Variants in MFSD11 observed in about 807,000 individuals in gnomAD.
MFSD11 encodes UNC93-like protein MFSD11.
In MFSD11, 36 loss-of-function variants were observed where a neutral mutation model predicts 53.5. The ratio of observed to expected loss-of-function variants is 0.67; its 90% confidence interval spans 0.52 to 0.89. MFSD11 has a LOEUF of 0.89. MFSD11 is among the 40% of genes least tolerant of loss of function. The probability of loss-of-function intolerance (pLI) is 0.00; values close to 1 mark genes in which losing one functional copy is unlikely to be tolerated. For synonymous variants in MFSD11, 186 were observed against 184.9 expected, an observed-to-expected ratio of 1.01 and a Z score of -0.05; for missense variants, 530 against 543.9, an observed-to-expected ratio of 0.97 and a Z score of 0.25.
At chr17:76,744,241 T>A in intron 6 of MFSD11, 81 bp from the exon 7 acceptor site, 1 of 1,374,170 alleles carries the variant, frequency 7.3e-7, no homozygotes, top group Non-Finnish European at 9.7e-7. Context: ...GTGTTGACAG[T>A]TGTAAGCAGC....
chr17:76,741,960 A>G lies in MFSD11; in HGVS notation c.261-9A>G. The G allele has an allele frequency of 6.2e-7, 1 of 1,614,146 alleles. No individual in the cohort carries two copies. The highest frequency in any genetic ancestry group is 8.5e-7 in the Non-Finnish European group (1 of 1,180,008). ...TTTGACTGTAATACCTTGACCTGTT[A>G]TATTTTAGCATGTACATTGCCGTTT... is the stretch of plus-strand genomic sequence containing the variant. On this transcript the variant is annotated splice_polypyrimidine_tract_variant and intron_variant, in intron 3 of 12. Transcript: ENST00000685175.
At chr17:76,739,764 A>G (rs911064360) in intron 2 of MFSD11, among the ~76,000 whole-genome samples, 11 of 152,052 alleles carry the variant, frequency 7.2e-5, no homozygotes, top group South Asian at 4.1e-4. Context: ...CTTTTTCCCT[A>G]TCCTAAGCCT....
the MFSD11 span, among the ~76,000 whole-genome samples, chr17:76,792,228 C>T: frequency 6.6e-6 from 1 of 150,436 alleles, no homozygotes; most frequent in Admixed American, 6.6e-5. Context: ...AAGCAATTCT[C>T]CTGCCTCAGC....
chr17:76,744,613 G>A, intron 7 of MFSD11, 147 bp downstream of exon 7: 1 of 729,214 alleles, frequency 1.4e-6, no homozygotes, highest in Non-Finnish European at 2.1e-6. Flanking sequence ...TAAAGGAGGA[G>A]CTGCGAGGGA....
the MFSD11 span, among the ~76,000 whole-genome samples, chr17:76,797,162 C>T: frequency 6.6e-6 from 1 of 151,932 alleles, no homozygotes; most frequent in African/African-American, 2.4e-5. Context: ...GAGCGAGACT[C>T]TTCCTCAATT....
intron 7 of MFSD11, among the ~76,000 whole-genome samples, chr17:76,748,368 T>C (rs73359073): frequency 1.3e-5 from 2 of 152,084 alleles, no homozygotes; most frequent in Non-Finnish European, 2.9e-5. Context: ...CAGAAAAAGA[T>C]TTGAAGAGGT....
upstream of MFSD11, chr17:76,737,299 G>C (rs184792585): frequency 4.1e-5 from 49 of 1,200,652 alleles, no homozygotes; most frequent in Middle Eastern, 2.9e-4. Flanking sequence ...AGCACGGACG[G>C]GCTCCGCAGG....
rs574309907 is a variant in MFSD11, at chr17:76,754,406, C to T, written c.682+319C>T. ...GGTAATTAAGAGCAGATTGTGGCTG[C>T]GCGCAGTGACTCGCGCCTGTAATCT... On this transcript the variant is annotated intron_variant, in intron 8 of 12. Coordinates refer to ENST00000685175, the MANE Select transcript of MFSD11 (RefSeq NM_001242532.5). 2.0e-4 allele frequency among the ~76,000 whole-genome samples: 31 copies of T among 152,114 alleles called. No individual in the cohort carries two copies. The South Asian group carries it at 4.4e-3, about 21-fold the overall frequency.
Position 76,769,758 on chromosome 17 carries a change from C to T in MFSD11, c.761C>T (p.Thr254Ile). Residue 254 changes from threonine (T) to isoleucine (I), a missense_variant, in exon 10 of 13, where the codon ACT becomes ATT. Transcript: ENST00000685175. Reference sequence around the variant, plus strand: ...TCTTTAACTAAAGGTCTGGAATTAACTTTCTTCTCTGGTGTATATGGAACC... The same window carrying T: ...TCTTTAACTAAAGGTCTGGAATTAATTTTCTTCTCTGGTGTATATGGAACC... ...ITTAYTGLEL[T>I]FFSGVYGTCI... 1 of 1,592,044 alleles carries T rather than the reference C, an allele frequency of 6.3e-7. No homozygotes were observed. The highest frequency in any genetic ancestry group is 8.5e-7 in the Non-Finnish European group (1 of 1,172,202).
the MFSD11 span, among the ~76,000 whole-genome samples, chr17:76,793,880 A>G: frequency 2.0e-5 from 3 of 151,398 alleles, no homozygotes; most frequent in Admixed American, 2.0e-4. Flanking sequence ...GTCAGAGTCA[A>G]AGTGATGCAT....
chr17:76,762,079 C>T (rs2080311486), intron 8 of MFSD11, among the ~76,000 whole-genome samples: 1 of 152,142 alleles, frequency 6.6e-6, no homozygotes, highest in South Asian at 2.1e-4. Context: ...AGTCACTTCT[C>T]ATTCCAGCCT....
intron 1 of MFSD11, 78 bp from the exon 2 acceptor site, chr17:76,738,860 G>A (rs1568035866): frequency 7.5e-6 from 8 of 1,068,126 alleles, no homozygotes; most frequent in Non-Finnish European, 1.0e-5. Context: ...CTCTTGCTGA[G>A]TACTTGGAGT....
At chr17:76,800,096 C>G in the MFSD11 span, among the ~76,000 whole-genome samples, 1 of 151,128 alleles carries the variant, frequency 6.6e-6, no homozygotes, top group Non-Finnish European at 1.5e-5. Flanking sequence ...GCTGGGATTA[C>G]GGGCACCCGC....
chr17:76,797,874 C>A, the MFSD11 span, among the ~76,000 whole-genome samples: 7 of 141,632 alleles, frequency 4.9e-5, no homozygotes, highest in Non-Finnish European at 1.1e-4. Flanking sequence ...GAATGGCTTG[C>A]AGAACTCAGG....
Position 76,776,842 on chromosome 17 carries a change from GGGTTTCACCACGTT to G in MFSD11, c.1185+306_1185+319del, listed in dbSNP as rs2081878896. Among the ~76,000 whole-genome samples the G allele has an allele frequency of 6.6e-6, 1 of 151,900 alleles. No homozygotes were observed. The highest frequency in any genetic ancestry group is 1.5e-5 in the Non-Finnish European group (1 of 67,960). ...TTTTTTTTTCTTTTTAGCAGAGGCAGGGTTTCACCACGTTGGTTAGGCTGGTCTCAAACTTCTGA... is the reference window on the plus strand; with the variant it reads ...TTTTTTTTTCTTTTTAGCAGAGGCAGGGTTAGGCTGGTCTCAAACTTCTGA... On this transcript the variant is annotated intron_variant, in intron 12 of 12. Coordinates refer to ENST00000685175, the MANE Select transcript of MFSD11 (RefSeq NM_001242532.5). This position sits in a 1 kb window ranked among gnomAD's most constrained non-coding sequence, Gnocchi z 4.2.
At chr17:76,754,472 C>T (rs565376955) in intron 8 of MFSD11, among the ~76,000 whole-genome samples, 4 of 152,144 alleles carry the variant, frequency 2.6e-5, no homozygotes, top group South Asian at 2.1e-4. Context: ...CACCTGAGGT[C>T]GGGAGTTCAA....
intron 8 of MFSD11, among the ~76,000 whole-genome samples, chr17:76,757,369 A>G (rs2079756955): frequency 6.6e-6 from 1 of 152,160 alleles, no homozygotes; most frequent in South Asian, 2.1e-4. Context: ...AAGTAGACTC[A>G]GGGGCCAGTT....
At chr17:76,792,124 C>T in the MFSD11 span, among the ~76,000 whole-genome samples, 4 of 141,438 alleles carry the variant, frequency 2.8e-5, no homozygotes, top group South Asian at 2.3e-4. Flanking sequence ...ACCAGGCACC[C>T]TTTTTTTTTT....
At chr17:76,799,491 C>G in the MFSD11 span, 1 of 152,100 alleles carries the variant, frequency 6.6e-6, no homozygotes, top group Non-Finnish European at 1.5e-5. Context: ...ACCTCTGCCC[C>G]CCTGGATTCA....
Sources: gnomAD v4.1 joint callset for allele counts (sites outside exome capture counted in the v4.1 genomes callset) on GRCh38, gnomAD v4.1.1 for gene constraint, Gnocchi (gnomAD v3.1) non-coding constraint, MANE v1.5 for transcripts, NCBI Gene and HGNC (gene_info 2026-07-23, HGNC 2026-07-21) for gene names.